Variants in ZCCHC14 observed in about 807,000 individuals in gnomAD.
ZCCHC14 encodes the protein zinc finger CCHC domain-containing protein 14.
In ZCCHC14, 16 loss-of-function variants were observed where a neutral mutation model predicts 85.0. The ratio of observed to expected loss-of-function variants is 0.19; its 90% CI spans 0.13 to 0.29. The LOEUF is 0.29. Among genes scored for constraint, ZCCHC14 ranks in the 10% least tolerant of loss-of-function variants. The pLI is 1.00. For synonymous variants in ZCCHC14, 775 were observed against 630.7 expected, an observed-to-expected ratio of 1.23 and a Z score of -3.43; for missense variants, 1,303 against 1,443.5, an observed-to-expected ratio of 0.90 and a Z score of 1.58.
intron 2 of ZCCHC14, among the ~76,000 whole-genome samples, chr16:87,445,542 C>T (rs1228598145): frequency 6.6e-6 from 1 of 152,126 alleles, no homozygotes; most frequent in African/African-American, 2.4e-5. Context: ...GGATCATAAT[C>T]CATTCTTCCA....
At chr16:87,452,946 A>G (rs1203127929) in intron 2 of ZCCHC14, among the ~76,000 whole-genome samples, 1 of 152,246 alleles carries the variant, frequency 6.6e-6, no homozygotes, top group Non-Finnish European at 1.5e-5. Context: ...CCCACGCCCA[A>G]GTGGAGATAC....
At chr16:87,445,953 A>C (rs1305616777) in intron 2 of ZCCHC14, among the ~76,000 whole-genome samples, 2 of 152,138 alleles carry the variant, frequency 1.3e-5, no homozygotes, top group African/African-American at 4.8e-5. Flanking sequence ...AATTGATTTA[A>C]AAAATATTTT....
Position 87,412,345 on chromosome 16 carries a change from A to G in ZCCHC14, c.2376T>C (p.Thr792=), listed in dbSNP as rs1302404218. 1 of 1,614,134 alleles carries G rather than the reference A, an allele frequency of 6.2e-7. No individual in the cohort carries two copies. The highest frequency in any genetic ancestry group is 1.7e-5 in the Admixed American group (1 of 60,030). The change falls in exon 12 of 13, where the codon ACT becomes ACC. Residue 792 remains threonine, a synonymous_variant. Transcript: ENST00000671377. ...TTATTTGCACATTATTAGGACAGGA[A>G]GTTTGCCCAGAAATGGCAGAATCAG... ...VPADSAISGQ[T]SCPNNVQISV...
At chr16:87,428,924 A>G (rs369632920) in intron 3 of ZCCHC14, among the ~76,000 whole-genome samples, 2 of 152,250 alleles carry the variant, frequency 1.3e-5, no homozygotes, top group Non-Finnish European at 2.9e-5. Context: ...CTGCGTGGAC[A>G]TAACACCAGG....
intron 12 of ZCCHC14, 53 bp downstream of exon 12, chr16:87,411,463 G>C (rs1056988309): frequency 6.3e-7 from 1 of 1,587,936 alleles, no homozygotes; most frequent in Non-Finnish European, 8.5e-7. Context: ...CCAAGCATTT[G>C]TGTGCACTGG....
rs1908285440 is a variant in ZCCHC14, at chr16:87,408,184, CAG to C, written c.*2094_*2095del. 2 of 152,668 alleles carry C rather than the reference CAG, an allele frequency of 1.3e-5. No homozygotes were observed. The highest frequency in any genetic ancestry group is 2.9e-5 in the Non-Finnish European group (2 of 68,058). 9.5% of individuals were successfully genotyped at this position (152,668 alleles called of 1,614,324 possible). ...ATCAAAATAGTTACGTGGGTAACAA[CAG>C]ACGCTTTCATTCCCCTATACTGACC... On this transcript the variant is annotated 3_prime_UTR_variant, in exon 13 of 13. Coordinates refer to ENST00000671377, the MANE Select transcript of ZCCHC14 (RefSeq NM_015144.3).
chr16:87,470,260 G>A (rs890634211), intron 1 of ZCCHC14: 1 of 152,090 alleles, frequency 6.6e-6, no homozygotes, highest in East Asian at 1.9e-4. Context: ...AACCTGGGAA[G>A]TTGAGGCTGC....
At chr16:87,430,838 T>G (rs540130658) in intron 3 of ZCCHC14, among the ~76,000 whole-genome samples, 1 of 150,898 alleles carries the variant, frequency 6.6e-6, no homozygotes, top group Non-Finnish European at 1.5e-5. Context: ...CAGAATCAAC[T>G]TGATTTCTAA....
intron 4 of ZCCHC14, among the ~76,000 whole-genome samples, chr16:87,422,371 G>C (rs1909145182): frequency 6.6e-6 from 1 of 152,154 alleles, no homozygotes; most frequent in Admixed American, 6.5e-5. Context: ...CGTGCCGCCA[G>C]AGTCCAGGAG....
intron 12 of ZCCHC14, among the ~76,000 whole-genome samples, chr16:87,410,720 AC>A (rs1908391514): frequency 6.6e-6 from 1 of 152,138 alleles, no homozygotes; most frequent in African/African-American, 2.4e-5. Context: ...GCACAGGCCC[AC>A]CCGGGCCCGC....
intron 2 of ZCCHC14, among the ~76,000 whole-genome samples, chr16:87,437,486 T>C (rs888793993): frequency 6.6e-6 from 1 of 151,906 alleles, no homozygotes; most frequent in Non-Finnish European, 1.5e-5. Flanking sequence ...AAAATGGCGA[T>C]TCGGCCACAG....
chr16:87,464,705 G>A (rs1243740150), intron 1 of ZCCHC14, among the ~76,000 whole-genome samples: 1 of 152,184 alleles, frequency 6.6e-6, no homozygotes, highest in African/African-American at 2.4e-5. Flanking sequence ...TTTTCCACAT[G>A]TTCACTTTTT....
In ZCCHC14 at chr16:87,423,299, G is replaced by C. The variant is rs183467078; in HGVS notation, c.840+511C>G. On this transcript the variant is annotated intron_variant, in intron 4 of 12. Coordinates refer to ENST00000671377, the MANE Select transcript of ZCCHC14 (RefSeq NM_015144.3). ...AAAGATAAACGTGGGAGGACCACTT[G>C]AGCACCAGGAGGTCAAGGCTGCAGT... Among the ~76,000 whole-genome samples, 14 of 152,260 alleles carry C rather than the reference G, an allele frequency of 9.2e-5. No individual in the cohort carries two copies. In the East Asian group the frequency reaches 2.7e-3, roughly 29 times the overall value.
At chr16:87,422,567 T>TG (rs1909157098) in intron 4 of ZCCHC14, among the ~76,000 whole-genome samples, 1 of 137,120 alleles carries the variant, frequency 7.3e-6, no homozygotes, top group African/African-American at 2.6e-5. Context: ...TACTAAAAAT[T>TG]AAAAAAAAAA....
At position 87,406,617 on chromosome 16, in the gene ZCCHC14, T is replaced by G. The variant is rs967106527; in HGVS notation, c.*3663A>C. 7 of 152,226 alleles carry G rather than the reference T, an allele frequency of 4.6e-5. No homozygotes were observed. Among genetic ancestry groups the G allele is most frequent in the East Asian group, 1.9e-4 (1 of 5,188 alleles). 9.4% of individuals were successfully genotyped at this position (152,226 alleles called of 1,614,324 possible). On this transcript the variant is annotated 3_prime_UTR_variant, in exon 13 of 13. Coordinates refer to ENST00000671377, the MANE Select transcript of ZCCHC14 (RefSeq NM_015144.3). ...TTTTTGTGCACGTAAGACTCACACATGTGATGAGGGCTTGTTACAACGCAC... is the reference window on the plus strand; with the variant it reads ...TTTTTGTGCACGTAAGACTCACACAGGTGATGAGGGCTTGTTACAACGCAC...
chr16:87,474,739 G>A (rs370234448), intron 1 of ZCCHC14, among the ~76,000 whole-genome samples: 2 of 152,178 alleles, frequency 1.3e-5, no homozygotes, highest in Non-Finnish European at 2.9e-5. Flanking sequence ...TCTGGTAGAT[G>A]ATCGCAGCTG....
At chr16:87,464,295 C>G (rs1190541237) in intron 1 of ZCCHC14, among the ~76,000 whole-genome samples, 1 of 152,154 alleles carries the variant, frequency 6.6e-6, no homozygotes, top group Non-Finnish European at 1.5e-5. Context: ...AAAACCACAT[C>G]CCACACTCCC....
intron 8 of ZCCHC14, among the ~76,000 whole-genome samples, chr16:87,416,763 A>G (rs1908806616): frequency 1.3e-5 from 2 of 152,200 alleles, no homozygotes; most frequent in African/African-American, 4.8e-5. Flanking sequence ...ATCTCAAAAA[A>G]AGAAAAAAAC....
chr16:87,436,699 T>A (rs916620783), intron 2 of ZCCHC14, among the ~76,000 whole-genome samples: 1 of 152,120 alleles, frequency 6.6e-6, no homozygotes, highest in Admixed American at 6.6e-5. Context: ...AACCTGCACA[T>A]CCTGCACACG....
Sources: allele counts gnomAD v4.1 joint callset (sites outside exome capture counted in the v4.1 genomes callset), GRCh38; gene constraint gnomAD v4.1.1; transcripts MANE v1.5; gene names NCBI Gene and HGNC (gene_info 2026-07-23, HGNC 2026-07-21).